The following ZNF334 variants were observed in gnomAD, a reference collection of about 807,000 sequenced individuals.
ZNF334 encodes zinc finger protein 334.
A neutral mutation model predicts 12.4 loss-of-function variants in ZNF334; 14 were observed. The ratio of observed to expected loss-of-function variants is 1.13; its 90% CI spans 0.74 to 1.76. The LOEUF is 1.76. Ranked by LOEUF, ZNF334 falls within the 40% of genes most tolerant of loss-of-function variation. The probability of loss-of-function intolerance (pLI) is 0.00; values close to 1 mark genes in which losing one functional copy is unlikely to be tolerated. For missense variants in ZNF334, 797 were observed against 804.5 expected, an observed-to-expected ratio of 0.99 and a Z score of 0.11; for synonymous variants, 273 against 269.6, an observed-to-expected ratio of 1.01 and a Z score of -0.12.
At chr20:46,491,703 C>T in the ZNF334 span, 1 of 152,752 alleles carries the variant, frequency 6.5e-6, no homozygotes, top group Non-Finnish European at 1.5e-5. Context: ...TCAGATCTAA[C>T]ACAACATAAA....
chr20:46,486,235 G>A, the ZNF334 span, among the ~76,000 whole-genome samples: 48 of 152,262 alleles, frequency 3.2e-4, no homozygotes, highest in African/African-American at 1.1e-3. Flanking sequence ...GTGCTAGACA[G>A]CTGGTCTAAT....
the ZNF334 span, among the ~76,000 whole-genome samples, chr20:46,472,346 C>T: frequency 6.6e-6 from 1 of 152,096 alleles, no homozygotes; most frequent in Admixed American, 6.5e-5. Flanking sequence ...GATAATAAAC[C>T]ATATCAATAA....
Position 46,510,491 on chromosome 20 carries a change from C to T in ZNF334, c.21+1591G>A, listed in dbSNP as rs192757951. Among the ~76,000 whole-genome samples, 86 of 152,126 alleles carry T rather than the reference C, an allele frequency of 5.7e-4. 1 individual carries two copies. The highest frequency in any genetic ancestry group is 3.7e-3 in the South Asian group (18 of 4,820). On this transcript the variant is annotated intron_variant, in intron 2 of 4. Coordinates refer to ENST00000692313, the MANE Select transcript of ZNF334 (RefSeq NM_001353824.2). ...CTGTAATCCCAGCACTTAGTGAGGC[C>T]GAGGCAGGAGGATCACGAGGTCAGG...
At chr20:46,482,575 T>G in the ZNF334 span, among the ~76,000 whole-genome samples, 1 of 152,184 alleles carries the variant, frequency 6.6e-6, no homozygotes, top group Non-Finnish European at 1.5e-5. Context: ...ATGAATAATT[T>G]TTTAAAGACC....
the ZNF334 span, among the ~76,000 whole-genome samples, chr20:46,462,877 G>A: frequency 6.6e-6 from 1 of 152,190 alleles, no homozygotes; most frequent in African/African-American, 2.4e-5. Flanking sequence ...GCTCTTGGGA[G>A]TCAACTTGCA....
At chr20:46,476,710 C>T in the ZNF334 span, among the ~76,000 whole-genome samples, 1 of 152,114 alleles carries the variant, frequency 6.6e-6, no homozygotes, top group Non-Finnish European at 1.5e-5. Flanking sequence ...GAACCCAATG[C>T]CTTCATTTTA....
At chr20:46,474,100 C>A in the ZNF334 span, among the ~76,000 whole-genome samples, 2 of 152,046 alleles carry the variant, frequency 1.3e-5, no homozygotes, top group African/African-American at 2.4e-5. Flanking sequence ...CAAGGCCGGG[C>A]GCTGTGGCTC....
chr20:46,477,212 A>G, the ZNF334 span: 1 of 152,264 alleles, frequency 6.6e-6, no homozygotes, highest in Non-Finnish European at 1.5e-5. Context: ...ATAGGAGAGT[A>G]CAGGGAATTG....
chr20:46,503,418 G>A (rs1196106099), intron 4 of ZNF334, among the ~76,000 whole-genome samples: 1 of 152,174 alleles, frequency 6.6e-6, no homozygotes, highest in African/African-American at 2.4e-5. Flanking sequence ...TAGTCACAAG[G>A]AATAGTACAC....
downstream of ZNF334, among the ~76,000 whole-genome samples, chr20:46,499,045 G>T (rs186816537): frequency 5.0e-3 from 760 of 150,890 alleles, 13 homozygotes; most frequent in East Asian, 0.082. Flanking sequence ...GTAGTGGCGG[G>T]CGCCTGTAGT....
Position 46,501,453 on chromosome 20 carries a change from T to G in ZNF334, c.1886A>C (p.Glu629Ala). 6.2e-7 allele frequency: 1 copy of G among 1,614,138 alleles called. No homozygotes were observed. The highest frequency in any genetic ancestry group is 8.5e-7 in the Non-Finnish European group (1 of 1,180,014). Reference protein sequence around the residue: ...RRIHTGEKPYECNQCGKTYRR... With the variant: ...RRIHTGEKPYACNQCGKTYRR... ...GTAGGTTTTCCCACATTGATTACAT[T>G]CATATGGTTTCTCTCCTGTGTGAAT... The change falls in exon 5 of 5, where the codon GAA becomes GCA. Residue 629 changes from glutamate to alanine, a missense_variant. By Grantham distance (107) the Glu-to-Ala change is moderately radical. Coordinates refer to ENST00000692313, the MANE Select transcript of ZNF334 (RefSeq NM_001353824.2).
the ZNF334 span, among the ~76,000 whole-genome samples, chr20:46,472,533 C>A: frequency 6.6e-6 from 1 of 152,092 alleles, no homozygotes. Context: ...CATGTGGATT[C>A]CAGGAGGAAG....
the ZNF334 span, chr20:46,465,034 C>A: frequency 9.6e-5 from 35 of 363,062 alleles, no homozygotes; most frequent in Non-Finnish European, 2.7e-5. Context: ...CCCACTACGC[C>A]ATGTGGACTG....
chr20:46,465,945 C>T, the ZNF334 span, among the ~76,000 whole-genome samples: 1 of 150,932 alleles, frequency 6.6e-6, no homozygotes, highest in South Asian at 2.1e-4. Context: ...CAGAGCGAAA[C>T]TCCGTCTAAA....
chr20:46,480,229 G>A, the ZNF334 span, among the ~76,000 whole-genome samples: 1 of 152,128 alleles, frequency 6.6e-6, no homozygotes, highest in Non-Finnish European at 1.5e-5. Flanking sequence ...TGCCAAGTAA[G>A]GTCACATACT....
At chr20:46,463,797 G>A in the ZNF334 span, 4 of 290,734 alleles carry the variant, frequency 1.4e-5, no homozygotes, top group Non-Finnish European at 2.1e-5. Context: ...GAGTTGATAG[G>A]CCTGCCTAGG....
intron 2 of ZNF334, chr20:46,506,382 C>CT (rs2061432573): frequency 1.8e-6 from 1 of 559,188 alleles, no homozygotes; most frequent in Admixed American, 3.0e-5. Flanking sequence ...TCCCAGCACT[C>CT]TGAGAGGTTG....
chr20:46,498,876 T>G (rs1454968601), downstream of ZNF334, among the ~76,000 whole-genome samples: 1 of 152,106 alleles, frequency 6.6e-6, no homozygotes, highest in Non-Finnish European at 1.5e-5. Context: ...CATGCACACT[T>G]AGAATGCCAT....
chr20:46,502,906 T>C lies in ZNF334; in HGVS notation c.433A>G (p.Thr145Ala). 1 of 1,613,872 alleles carries C rather than the reference T, an allele frequency of 6.2e-7. No homozygotes were observed. The highest frequency in any genetic ancestry group is 8.5e-7 in the Non-Finnish European group (1 of 1,179,924). ...KCNPGGNSLK[T>A]NSEVIVAKKS... ...TTTGCAACAATTACTTCTGAATTAG[T>C]TTTCAAACTGTTTCCTCCTGGATTA... is the stretch of plus-strand genomic sequence containing the variant. Residue 145 changes from threonine (T) to alanine (A), a missense_variant, in exon 5 of 5, where the codon ACT becomes GCT. Coordinates refer to ENST00000692313, the MANE Select transcript of ZNF334 (RefSeq NM_001353824.2).
Sources: gnomAD v4.1 joint callset for allele counts (sites outside exome capture counted in the v4.1 genomes callset) on GRCh38, gnomAD v4.1.1 for gene constraint, MANE v1.5 for transcripts, NCBI Gene and HGNC (gene_info 2026-07-23, HGNC 2026-07-21) for gene names.